The following DIRAS2 variants were observed in gnomAD, a reference collection of about 807,000 sequenced individuals.
DIRAS2 encodes the protein GTP-binding protein Di-Ras2.
Under a neutral mutation model 13.9 loss-of-function variants are expected in DIRAS2, and 5 were observed. The observed-to-expected ratio is 0.36, with a 90% CI of 0.19 to 0.76. The LOEUF (loss-of-function observed/expected upper bound fraction) is 0.76. DIRAS2 is among the 30% of genes least tolerant of loss of function. The probability of loss-of-function intolerance (pLI) is 0.53; values close to 1 mark genes in which losing one functional copy is unlikely to be tolerated. For missense variants in DIRAS2, 191 were observed against 263.0 expected, an observed-to-expected ratio of 0.73 and a Z score of 1.89; for synonymous variants, 111 against 105.4, an observed-to-expected ratio of 1.05 and a Z score of -0.33.
At chr9:90,626,905 A>C (rs2118564300) in intron 1 of DIRAS2, among the ~76,000 whole-genome samples, 1 of 152,310 alleles carries the variant, frequency 6.6e-6, no homozygotes, top group Non-Finnish European at 1.5e-5. Flanking sequence ...ATACATAGAC[A>C]GGTGATATAG....
rs560949550 is a variant in DIRAS2 at position 90,622,657 on chromosome 9, C to T, written c.-36-8794G>A. ...AAGTTCAAATTCTTTCTTCTTCAGA[C>T]GTTATTTCATTTTTAAGTTTAGCAT... On this transcript the variant is annotated intron_variant, in intron 1 of 1. Coordinates refer to ENST00000375765, the MANE Select transcript of DIRAS2 (RefSeq NM_017594.5). Among the ~76,000 whole-genome samples the T allele has an allele frequency of 3.3e-5, 5 of 152,178 alleles. No individual in the cohort carries two copies. The South Asian group carries it at 8.3e-4, about 25-fold the overall frequency.
intron 1 of DIRAS2, among the ~76,000 whole-genome samples, chr9:90,639,090 A>G (rs1825396221): frequency 6.6e-6 from 1 of 152,152 alleles, no homozygotes; most frequent in African/African-American, 2.4e-5. Context: ...GCTTTAGAAA[A>G]ATATTGCCCC....
chr9:90,622,790 TG>T (rs956955878), intron 1 of DIRAS2, among the ~76,000 whole-genome samples: 1 of 152,222 alleles, frequency 6.6e-6, no homozygotes, highest in Non-Finnish European at 1.5e-5. Context: ...TCTCTAACCT[TG>T]GATTTATGAA....
chr9:90,631,455 A>G (rs1050333665), intron 1 of DIRAS2, among the ~76,000 whole-genome samples: 1 of 152,162 alleles, frequency 6.6e-6, no homozygotes, highest in South Asian at 2.1e-4. Flanking sequence ...CCTCCATTGT[A>G]AAAGTACCCC....
Position 90,612,881 on chromosome 9 carries a change from T to G in DIRAS2, c.*347A>C. On this transcript the variant is annotated 3_prime_UTR_variant, in exon 2 of 2. Coordinates refer to ENST00000375765, the MANE Select transcript of DIRAS2 (RefSeq NM_017594.5). Reference sequence around the variant, plus strand: ...AGGTTAACACGCTCTCACATGCACGTAGATGACATTTAGTCCTCTCGGTAC... The same window carrying G: ...AGGTTAACACGCTCTCACATGCACGGAGATGACATTTAGTCCTCTCGGTAC... The G allele has an allele frequency of 3.5e-6, 1 of 288,104 alleles. No individual in the cohort carries two copies. The highest frequency in any genetic ancestry group is 4.1e-5 in the South Asian group (1 of 24,318). The allele number at this position is 288,104 out of a possible 1,614,324, so 17.8% of individuals were successfully genotyped here.
At chr9:90,638,709 G>A (rs1318859546) in intron 1 of DIRAS2, among the ~76,000 whole-genome samples, 2 of 149,968 alleles carry the variant, frequency 1.3e-5, no homozygotes, top group East Asian at 2.0e-4. Flanking sequence ...CTGGGGAGAT[G>A]AGTCTAAGTT....
In DIRAS2 at chr9:90,610,555, T is replaced by C. The variant is rs1344821452; in HGVS notation, c.*2673A>G. The C allele has an allele frequency of 2.5e-6, 1 of 396,952 alleles. No individual in the cohort carries two copies. The highest frequency in any genetic ancestry group is 3.6e-5 in the East Asian group (1 of 27,990). The allele number at this position is 396,952 out of a possible 1,614,324, so 24.6% of individuals were successfully genotyped here. A position where few individuals can be genotyped will look rare whatever the true frequency, so the allele number is the denominator to read the frequency against. On this transcript the variant is annotated 3_prime_UTR_variant, in exon 2 of 2. Coordinates refer to ENST00000375765, the MANE Select transcript of DIRAS2 (RefSeq NM_017594.5). The stretch of plus-strand genomic sequence containing the variant: ...ATTCTGCCTGGGTCAAAAACTGCTA[T>C]GCCCATATGCAATGTAGGATGTGTT...
Position 90,612,440 on chromosome 9 carries a change from T to A in DIRAS2, c.*788A>T, listed in dbSNP as rs1825123329. ...CTCCTCACAGGTCAAAAGAAGAAAA[T>A]CACATTTCTAAAACCCTCGATGTAT... is the stretch of plus-strand genomic sequence containing the variant. On this transcript the variant is annotated 3_prime_UTR_variant, in exon 2 of 2. Coordinates refer to ENST00000375765, the MANE Select transcript of DIRAS2 (RefSeq NM_017594.5). 2 of 152,414 alleles carry A rather than the reference T, an allele frequency of 1.3e-5. No individual in the cohort carries two copies. Among genetic ancestry groups the A allele is most frequent in the Non-Finnish European group, 2.9e-5 (2 of 68,032 alleles). 9.4% of individuals were successfully genotyped at this position (152,414 alleles called of 1,614,324 possible). A position where few individuals can be genotyped will look rare whatever the true frequency, so the allele number is the denominator to read the frequency against.
chr9:90,625,960 G>A (rs1487659661), intron 1 of DIRAS2: 1 of 152,154 alleles, frequency 6.6e-6, no homozygotes, highest in African/African-American at 2.4e-5. Context: ...GGGGTGGATG[G>A]ATCATGAGGT....
intron 1 of DIRAS2, among the ~76,000 whole-genome samples, chr9:90,638,253 G>A (rs973404493): frequency 5.3e-5 from 8 of 152,016 alleles, no homozygotes; most frequent in African/African-American, 1.7e-4. Context: ...TTAAAGAATG[G>A]AAGAACAAAA....
At chr9:90,620,767 A>C (rs1408826709) in intron 1 of DIRAS2, among the ~76,000 whole-genome samples, 1 of 152,032 alleles carries the variant, frequency 6.6e-6, no homozygotes. Flanking sequence ...GGAAAGAAAA[A>C]AAGAGAAAAC....
intron 1 of DIRAS2, among the ~76,000 whole-genome samples, chr9:90,636,026 T>G (rs907729572): frequency 7.6e-6 from 1 of 131,378 alleles, no homozygotes; most frequent in Admixed American, 7.9e-5. Context: ...AACTGAATAT[T>G]CTTTTTTTTT....
At chr9:90,640,681 T>C (rs1825411204) in intron 1 of DIRAS2, among the ~76,000 whole-genome samples, 1 of 152,168 alleles carries the variant, frequency 6.6e-6, no homozygotes, top group Non-Finnish European at 1.5e-5. Flanking sequence ...CAATCCACCA[T>C]ATGAGTGAGA....
intron 1 of DIRAS2, among the ~76,000 whole-genome samples, chr9:90,635,302 A>G (rs1044213003): frequency 6.6e-6 from 1 of 152,248 alleles, no homozygotes; most frequent in Non-Finnish European, 1.5e-5. Context: ...ATCATAGCTA[A>G]TCTGGGAAAG....
rs34548591 is a variant in DIRAS2, at chr9:90,614,306, ATGTGTGTGTGTGTG to A, written c.-36-457_-36-444del. 2.6e-3 allele frequency among the ~76,000 whole-genome samples: 356 copies of A among 134,916 alleles called. 1 individual carries two copies. The highest frequency in any genetic ancestry group is 8.4e-3 in the African/African-American group (301 of 35,978). The allele number at this position is 134,916 out of a possible 152,430, so 88.5% of individuals were successfully genotyped here. A position where few individuals can be genotyped will look rare whatever the true frequency, so the allele number is the denominator to read the frequency against. The stretch of plus-strand genomic sequence containing the variant: ...AGTACCCAATATACTGGTCATCATA[ATGTGTGTGTGTGTG>A]TGTGTGTGTGTGTGTGTGTGTGTGT... On this transcript the variant is annotated intron_variant, in intron 1 of 1. Coordinates refer to ENST00000375765, the MANE Select transcript of DIRAS2 (RefSeq NM_017594.5).
In DIRAS2 at chr9:90,612,975, G is replaced by T; in HGVS notation, c.*253C>A. ...TTCATCGCCACCTTCAGCAATTGCT[G>T]GCACCTCTCAGTTCCCAGGGATGCT... On this transcript the variant is annotated 3_prime_UTR_variant, in exon 2 of 2. Coordinates refer to ENST00000375765, the MANE Select transcript of DIRAS2 (RefSeq NM_017594.5). The T allele has an allele frequency of 2.0e-6, 1 of 504,780 alleles. No homozygotes were observed. Among genetic ancestry groups the T allele is most frequent in the Non-Finnish European group, 3.5e-6 (1 of 284,392 alleles). The allele number at this position is 504,780 out of a possible 1,614,324, so 31.3% of individuals were successfully genotyped here.
chr9:90,613,855 A>G lies in DIRAS2; in HGVS notation c.-28T>C. ...TGCTGGAGAGCTCCAACTCTCAGCC[A>G]GGACGCACCTAGCAAAGGAACCAGA... On this transcript the variant is annotated 5_prime_UTR_variant, in exon 2 of 2. Transcript: ENST00000375765. This position sits in a 1 kb window ranked among gnomAD's most constrained non-coding sequence, Gnocchi z 5.6. 6.3e-7 allele frequency: 1 copy of G among 1,583,410 alleles called. No individual in the cohort carries two copies.
chr9:90,610,247 T>C lies in DIRAS2; in HGVS notation c.*2981A>G. On this transcript the variant is annotated 3_prime_UTR_variant, in exon 2 of 2. Transcript: ENST00000375765. Reference sequence around the variant, plus strand: ...ACAAAGAATGAGCATTTCTTAAATATTACAAACAGTGAAACAAATATACTA... The same window carrying C: ...ACAAAGAATGAGCATTTCTTAAATACTACAAACAGTGAAACAAATATACTA... 2.5e-6 allele frequency: 1 copy of C among 393,524 alleles called. No individual in the cohort carries two copies. Among genetic ancestry groups the C allele is most frequent in the East Asian group, 3.6e-5 (1 of 27,668 alleles). The allele number at this position is 393,524 out of a possible 1,614,324, so 24.4% of individuals were successfully genotyped here.
Position 90,623,872 on chromosome 9 carries a change from TAAAC to T in DIRAS2, c.-36-10013_-36-10010del, listed in dbSNP as rs556581851. Among the ~76,000 whole-genome samples the T allele has an allele frequency of 1.2e-4, 18 of 152,336 alleles. No homozygotes were observed. In the East Asian group the frequency reaches 2.5e-3, roughly 21 times the overall value. ...CTGGGTGATACAATGAGACCCTGTC[TAAAC>T]AAACAGTCAAAACTAGAGGGAAAAT... On this transcript the variant is annotated intron_variant, in intron 1 of 1. Transcript: ENST00000375765.
Sources: gnomAD v4.1 joint callset for allele counts (sites outside exome capture counted in the v4.1 genomes callset) on GRCh38, gnomAD v4.1.1 for gene constraint, Gnocchi (gnomAD v3.1) non-coding constraint, MANE v1.5 for transcripts, NCBI Gene and HGNC (gene_info 2026-07-23, HGNC 2026-07-21) for gene names.